The following CSMD1 variants were observed in gnomAD, a reference collection of about 807,000 sequenced individuals.
CSMD1 encodes CUB and Sushi multiple domains 1, also known as CUB and sushi domain-containing protein 1.
A neutral mutation model predicts 417.5 loss-of-function variants in CSMD1; 213 were observed. The observed-to-expected ratio is 0.51, with a 90% CI of 0.46 to 0.57. The LOEUF is 0.57. Ranked by LOEUF, CSMD1 falls within the 20% of genes least tolerant of loss-of-function variation. The pLI is 0.00. For synonymous variants in CSMD1, 2,862 were observed against 1,736.8 expected, an observed-to-expected ratio of 1.65 and a Z score of -16.11; for missense variants, 6,923 against 4,529.7, an observed-to-expected ratio of 1.53 and a Z score of -15.17.
chr8:3,644,213 T>C (rs1797459492), intron 7 of CSMD1, among the ~76,000 whole-genome samples: 1 of 152,200 alleles, frequency 6.6e-6, no homozygotes, highest in Admixed American at 6.5e-5. Context: ...CAGAAATCTA[T>C]TTCAATAAAC....
At chr8:4,952,271 T>C (rs1317592885) in intron 1 of CSMD1, among the ~76,000 whole-genome samples, 2 of 151,970 alleles carry the variant, frequency 1.3e-5, no homozygotes, top group African/African-American at 4.8e-5. Flanking sequence ...CTATTATAGA[T>C]AATAAAACGC....
At chr8:3,617,758 T>C (rs769877032) in intron 7 of CSMD1, among the ~76,000 whole-genome samples, 15 of 152,170 alleles carry the variant, frequency 9.9e-5, no homozygotes, top group Non-Finnish European at 1.5e-4. Flanking sequence ...TCAACCAATT[T>C]AGGAGCAATG....
At chr8:2,959,618 G>C (rs1340537054) in intron 62 of CSMD1, among the ~76,000 whole-genome samples, 1 of 151,998 alleles carries the variant, frequency 6.6e-6, no homozygotes, top group East Asian at 1.9e-4. Flanking sequence ...ACTAACCCTG[G>C]AGCTACGGGT....
At chr8:4,341,965 G>T (rs1242679632) in intron 3 of CSMD1, among the ~76,000 whole-genome samples, 3 of 152,076 alleles carry the variant, frequency 2.0e-5, no homozygotes, top group Non-Finnish European at 4.4e-5. Flanking sequence ...TATTACCCTG[G>T]TTCAAGAGAC....
intron 26 of CSMD1, among the ~76,000 whole-genome samples, chr8:3,272,329 G>T (rs78730763): frequency 0.29 from 38,088 of 130,650 alleles, 6,641 homozygotes; most frequent in African/African-American, 0.34. Context: ...TTTTGGTTAC[G>T]GTAGCCTTGT....
At position 3,217,773 on chromosome 8, in the gene CSMD1, G is replaced by A. The variant is rs560968191; in HGVS notation, c.4672+1482C>T. Among the ~76,000 whole-genome samples the A allele has an allele frequency of 1.3e-4, 20 of 152,130 alleles. No homozygotes were observed. In the East Asian group the frequency reaches 3.7e-3, roughly 28 times the overall value. On this transcript the variant is annotated intron_variant, in intron 29 of 69. Transcript: ENST00000635120. ...TAAGTGTGCAGATTCTGATGTTTGGGAGCAAAGAAACCAATTTTCTACTTA... is the reference window on the plus strand; with the variant it reads ...TAAGTGTGCAGATTCTGATGTTTGGAAGCAAAGAAACCAATTTTCTACTTA...
intron 11 of CSMD1, among the ~76,000 whole-genome samples, chr8:3,473,084 A>C (rs932581863): frequency 6.6e-6 from 1 of 152,184 alleles, no homozygotes. Flanking sequence ...CGTAATTGTC[A>C]TGTAAAAAAT....
chr8:4,664,971 A>T (rs1304511568), intron 1 of CSMD1, among the ~76,000 whole-genome samples: 3 of 152,214 alleles, frequency 2.0e-5, no homozygotes, highest in Non-Finnish European at 2.9e-5. Flanking sequence ...GTAGCATCTG[A>T]AAAAGGAAAA....
At chr8:4,127,170 T>G (rs1802813347) in intron 3 of CSMD1, among the ~76,000 whole-genome samples, 1 of 152,006 alleles carries the variant, frequency 6.6e-6, no homozygotes, top group Admixed American at 6.5e-5. Context: ...CAAAGGATAT[T>G]TAAAGTTCCT....
intron 2 of CSMD1, among the ~76,000 whole-genome samples, chr8:4,488,461 A>G (rs1215578415): frequency 1.3e-5 from 2 of 152,110 alleles, no homozygotes; most frequent in Non-Finnish European, 2.9e-5. Flanking sequence ...GCTCAAATGA[A>G]TATTCACAAA....
chr8:3,257,473 G>T (rs1319473270), intron 26 of CSMD1, among the ~76,000 whole-genome samples: 1 of 152,146 alleles, frequency 6.6e-6, no homozygotes, highest in Admixed American at 6.5e-5. Flanking sequence ...AGTAATAAAT[G>T]AAATATTATG....
chr8:4,138,729 A>G (rs1181516392), intron 3 of CSMD1, among the ~76,000 whole-genome samples: 1 of 152,206 alleles, frequency 6.6e-6, no homozygotes, highest in African/African-American at 2.4e-5. Flanking sequence ...TGCCAATTTA[A>G]CTAGAGGAAA....
intron 5 of CSMD1, among the ~76,000 whole-genome samples, chr8:3,881,984 CCAAT>C (rs1378254571): frequency 1.3e-5 from 2 of 152,036 alleles, no homozygotes; most frequent in Non-Finnish European, 2.9e-5. Context: ...TTTCCAATAA[CCAAT>C]CACGAGAGAA....
chr8:4,890,708 T>G lies in CSMD1; in HGVS notation c.85+103624A>C, dbSNP rs926190978. On this transcript the variant is annotated intron_variant, in intron 1 of 69. Coordinates refer to ENST00000635120, the MANE Select transcript of CSMD1 (RefSeq NM_033225.6). ...CCCTGCTTTGGTTTTGTTCTGCATG[T>G]TATTAGGTCGCTGCAAAAGTAATTG... is the stretch of plus-strand genomic sequence containing the variant. Among the ~76,000 whole-genome samples the G allele has an allele frequency of 2.0e-5, 3 of 152,166 alleles. No homozygotes were observed. In the South Asian group the frequency reaches 6.2e-4, roughly 31 times the overall value.
intron 5 of CSMD1, among the ~76,000 whole-genome samples, chr8:3,985,282 G>C (rs1268103424): frequency 6.6e-6 from 1 of 152,136 alleles, no homozygotes; most frequent in Admixed American, 6.5e-5. Flanking sequence ...CATGCACAAA[G>C]CACATTTGCA....
chr8:3,406,858 A>G (rs996094949), intron 14 of CSMD1, among the ~76,000 whole-genome samples: 2 of 152,242 alleles, frequency 1.3e-5, no homozygotes, highest in Non-Finnish European at 2.9e-5. Flanking sequence ...GCCTAAAGCA[A>G]AGAGAATGAG....
intron 6 of CSMD1, among the ~76,000 whole-genome samples, chr8:3,715,521 G>C (rs985882659): frequency 6.6e-6 from 1 of 151,964 alleles, no homozygotes; most frequent in Admixed American, 6.6e-5. Flanking sequence ...TACAAACTAA[G>C]ACAAAGCAAG....
chr8:4,770,014 T>G (rs575821311), intron 1 of CSMD1, among the ~76,000 whole-genome samples: 84 of 152,140 alleles, frequency 5.5e-4, no homozygotes, highest in African/African-American at 2.0e-3. Flanking sequence ...CAGAAAGACA[T>G]TATTCTGTTA....
chr8:4,172,107 G>A (rs60877273), intron 3 of CSMD1, among the ~76,000 whole-genome samples: 5,145 of 152,012 alleles, frequency 0.034, 308 homozygotes, highest in African/African-American at 0.12. Context: ...TTTATCATGC[G>A]GATCATTTCA....
Sources: gnomAD v4.1 joint callset for allele counts (sites outside exome capture counted in the v4.1 genomes callset) on GRCh38, gnomAD v4.1.1 for gene constraint, MANE v1.5 for transcripts, NCBI Gene and HGNC (gene_info 2026-07-23, HGNC 2026-07-21) for gene names.